Variants in DNER observed in about 807,000 individuals in gnomAD.
DNER encodes the protein delta and Notch-like epidermal growth factor-related receptor.
A neutral mutation model predicts 78.2 loss-of-function variants in DNER; 33 were observed. That is an observed-to-expected ratio of 0.42 (90% CI 0.32 to 0.56). The LOEUF (loss-of-function observed/expected upper bound fraction) is 0.56. DNER is among the 20% of genes least tolerant of loss of function. The pLI, the probability that DNER is intolerant of heterozygous loss-of-function variation, is 0.11. For synonymous variants in DNER, 417 were observed against 384.8 expected (o/e 1.08, Z -0.98); for missense variants, 918 against 975.3 (o/e 0.94, Z 0.78).
chr2:229,615,612 T>G (rs926597220), intron 1 of DNER, among the ~76,000 whole-genome samples: 6 of 151,998 alleles, frequency 3.9e-5, no homozygotes, highest in African/African-American at 1.5e-4. Flanking sequence ...CTCGGGAGGC[T>G]GAGGCAGGAG....
chr2:229,507,571 T>C (rs943305934), intron 6 of DNER, among the ~76,000 whole-genome samples: 1 of 152,234 alleles, frequency 6.6e-6, no homozygotes, highest in Non-Finnish European at 1.5e-5. Context: ...AGGCACAATT[T>C]AAAATACACA....
At chr2:229,456,340 C>T (rs1694572770) in intron 7 of DNER, among the ~76,000 whole-genome samples, 1 of 151,640 alleles carries the variant, frequency 6.6e-6, no homozygotes, top group Non-Finnish European at 1.5e-5. Flanking sequence ...GTGATCCAAA[C>T]ACCTCCCACC....
intron 7 of DNER, among the ~76,000 whole-genome samples, chr2:229,448,658 ATACATGTGCATATGTGTGGGTCTC>A (rs1694390349): frequency 6.6e-6 from 1 of 152,208 alleles, no homozygotes; most frequent in African/African-American, 2.4e-5. Flanking sequence ...TTAAAAAATT[ATACATGTGCATATGTGTGGGTCTC>A]TACATCTGTG....
chr2:229,657,697 A>C (rs1361541516), intron 1 of DNER, among the ~76,000 whole-genome samples: 1 of 152,352 alleles, frequency 6.6e-6, no homozygotes, highest in Non-Finnish European at 1.5e-5. Flanking sequence ...TTTTGGAAAC[A>C]TGACCTCTTT....
chr2:229,686,733 T>C (rs578117659), intron 1 of DNER, among the ~76,000 whole-genome samples: 35 of 152,318 alleles, frequency 2.3e-4, no homozygotes, highest in African/African-American at 8.4e-4. Context: ...AATGCCATAT[T>C]GCCATCCCAA....
intron 4 of DNER, among the ~76,000 whole-genome samples, chr2:229,583,913 T>A (rs1381354037): frequency 6.6e-6 from 1 of 152,204 alleles, no homozygotes; most frequent in East Asian, 1.9e-4. Flanking sequence ...ATTCCCGAAA[T>A]AAATTTCTCT....
At chr2:229,621,861 G>A (rs546199752) in intron 1 of DNER, among the ~76,000 whole-genome samples, 7 of 152,214 alleles carry the variant, frequency 4.6e-5, no homozygotes, top group East Asian at 1.9e-4. Context: ...CGAGGCGGGC[G>A]GATCATGAGG....
At chr2:229,495,180 T>C (rs1455918625) in intron 6 of DNER, among the ~76,000 whole-genome samples, 2 of 152,236 alleles carry the variant, frequency 1.3e-5, no homozygotes, top group African/African-American at 4.8e-5. Flanking sequence ...TTCAACACTT[T>C]GCTTGGAAAT....
In DNER at chr2:229,668,896, T is replaced by A. The variant is rs542863761; in HGVS notation, c.276+45252A>T. Among the ~76,000 whole-genome samples, 189 of 152,190 alleles carry A rather than the reference T, an allele frequency of 1.2e-3. 1 individual carries two copies. Among genetic ancestry groups the A allele is most frequent in the African/African-American group, 4.3e-3 (179 of 41,516 alleles). Reference sequence around the variant, plus strand: ...TATATATCCAAAGAATTATAAATTATTCTACTATAAAGACATATGCACACC... The same window carrying A: ...TATATATCCAAAGAATTATAAATTAATCTACTATAAAGACATATGCACACC... On this transcript the variant is annotated intron_variant, in intron 1 of 12. Transcript: ENST00000341772.
At chr2:229,433,218 G>A (rs189905407) in intron 8 of DNER, among the ~76,000 whole-genome samples, 9 of 152,164 alleles carry the variant, frequency 5.9e-5, no homozygotes, top group Non-Finnish European at 1.0e-4. Flanking sequence ...GATTACAGGC[G>A]TGAGCCACCG....
chr2:229,399,475 T>C lies in DNER; in HGVS notation c.1723+7757A>G, dbSNP rs536885190. On this transcript the variant is annotated intron_variant, in intron 10 of 12. Transcript: ENST00000341772. ...GTAAAGATATTGATTCTTCCCCAAA[T>C]TGATATACTGGTTTATTGTAATTCC... Among the ~76,000 whole-genome samples the C allele has an allele frequency of 4.1e-4, 62 of 152,188 alleles. 1 individual carries two copies. The highest frequency in any genetic ancestry group is 3.4e-3 in the Middle Eastern group (1 of 294).
chr2:229,452,908 G>A (rs770498382), intron 7 of DNER, among the ~76,000 whole-genome samples: 15 of 152,262 alleles, frequency 9.9e-5, no homozygotes, highest in African/African-American at 1.4e-4. Flanking sequence ...GATTACAGGC[G>A]TGAGCCACCA....
rs61031913 is a variant in DNER at position 229,499,618 on chromosome 2, GA to G, written c.1147+13164del. ...ATATCAGACCTGAAACTGTTAAACA[GA>G]AAAAAAAAAATAGAAGAGCTCTGTG... On this transcript the variant is annotated intron_variant, in intron 6 of 12. Transcript: ENST00000341772. 3.0e-3 allele frequency among the ~76,000 whole-genome samples: 438 copies of G among 145,040 alleles called. 2 individuals are homozygous for G. Among genetic ancestry groups the G allele is most frequent in the Non-Finnish European group, 4.1e-3 (270 of 66,006 alleles).
intron 6 of DNER, among the ~76,000 whole-genome samples, chr2:229,478,128 G>A (rs931173623): frequency 6.6e-6 from 1 of 152,150 alleles, no homozygotes; most frequent in Admixed American, 6.5e-5. Flanking sequence ...AGAAAAAAAT[G>A]TGCCCTTGGT....
intron 10 of DNER, among the ~76,000 whole-genome samples, chr2:229,389,215 G>C (rs144783957): frequency 2.0e-5 from 3 of 151,970 alleles, no homozygotes; most frequent in African/African-American, 7.3e-5. Context: ...AACTTTTCAG[G>C]ACACCTTTGC....
At chr2:229,550,063 G>C (rs879683782) in intron 4 of DNER, among the ~76,000 whole-genome samples, 1 of 151,254 alleles carries the variant, frequency 6.6e-6, no homozygotes, top group African/African-American at 2.4e-5. Flanking sequence ...CATAATCTTG[G>C]TTCACTGCAA....
intron 4 of DNER, among the ~76,000 whole-genome samples, chr2:229,578,494 A>G (rs1289799365): frequency 6.6e-6 from 1 of 152,258 alleles, no homozygotes; most frequent in East Asian, 1.9e-4. Context: ...AATAGCTAAA[A>G]TAGACACACA....
At chr2:229,545,818 G>T (rs1031934098) in intron 5 of DNER, among the ~76,000 whole-genome samples, 3 of 152,132 alleles carry the variant, frequency 2.0e-5, no homozygotes, top group Admixed American at 6.6e-5. Flanking sequence ...AAGTTAATGT[G>T]TCATCTCATC....
chr2:229,442,618 A>C (rs970707297), intron 8 of DNER, among the ~76,000 whole-genome samples: 4 of 152,264 alleles, frequency 2.6e-5, no homozygotes, highest in African/African-American at 9.6e-5. Context: ...ATGTAAAGGC[A>C]CATGGGCCTT....
Sources: gnomAD v4.1 joint callset for allele counts (sites outside exome capture counted in the v4.1 genomes callset) on GRCh38, gnomAD v4.1.1 for gene constraint, MANE v1.5 for transcripts, NCBI Gene and HGNC (gene_info 2026-07-23, HGNC 2026-07-21) for gene names.